MIPOL1: variants seen among roughly 807,000 people sequenced by gnomAD.
MIPOL1 encodes the protein mirror-image polydactyly gene 1 protein.
MIPOL1 carries 57 observed loss-of-function variants against 60.9 expected under a neutral mutation model. The ratio of observed to expected loss-of-function variants is 0.94; its 90% CI spans 0.76 to 1.17. The LOEUF (loss-of-function observed/expected upper bound fraction) is 1.17. Ranked by LOEUF, MIPOL1 falls within the 50% of genes most tolerant of loss-of-function variation. The probability of loss-of-function intolerance (pLI) is 0.00; values close to 1 mark genes in which losing one functional copy is unlikely to be tolerated. For missense variants in MIPOL1, 551 were observed against 511.6 expected, an observed-to-expected ratio of 1.08 and a Z score of -0.74; for synonymous variants, 179 against 168.8, an observed-to-expected ratio of 1.06 and a Z score of -0.47.
chr14:37,458,493 A>G (rs1282421407), intron 11 of MIPOL1, among the ~76,000 whole-genome samples: 4 of 152,188 alleles, frequency 2.6e-5, no homozygotes, highest in Non-Finnish European at 4.4e-5. Context: ...CAGTGGAATA[A>G]AACTAGAAAT....
At chr14:37,519,722 A>T (rs951033413) in intron 12 of MIPOL1, among the ~76,000 whole-genome samples, 1 of 152,114 alleles carries the variant, frequency 6.6e-6, no homozygotes, top group Non-Finnish European at 1.5e-5. Context: ...TAGTCTCTTT[A>T]AAAATAGTAA....
At position 37,267,176 on chromosome 14, in the gene MIPOL1, G is replaced by A. The variant is rs774145734; in HGVS notation, c.251+7G>A. On this transcript the variant is annotated splice_region_variant and intron_variant, in intron 4 of 12. Coordinates refer to ENST00000684589, the MANE Select transcript of MIPOL1 (RefSeq NM_001388067.1). Reference sequence around the variant, plus strand: ...GCACTACTGAAAAATACAAGTAAGTGCTCACAGCCTTAGATTTAGAAGGAA... The same window carrying A: ...GCACTACTGAAAAATACAAGTAAGTACTCACAGCCTTAGATTTAGAAGGAA... 1 of 1,600,390 alleles carries A rather than the reference G, an allele frequency of 6.2e-7. No individual in the cohort carries two copies. Among genetic ancestry groups the A allele is most frequent in the South Asian group, 1.1e-5 (1 of 90,634 alleles).
At chr14:37,347,650 A>G (rs2091039187) in intron 9 of MIPOL1, among the ~76,000 whole-genome samples, 1 of 152,212 alleles carries the variant, frequency 6.6e-6, no homozygotes, top group Non-Finnish European at 1.5e-5. Flanking sequence ...ACTGTAGAAC[A>G]TCAAAGTTAA....
chr14:37,514,369 C>T (rs1249767544), intron 12 of MIPOL1, among the ~76,000 whole-genome samples: 1 of 152,004 alleles, frequency 6.6e-6, no homozygotes, highest in African/African-American at 2.4e-5. Context: ...GAAAAGGTTA[C>T]TAAATGACAC....
At chr14:37,428,313 G>A (rs1338530176) in intron 11 of MIPOL1, among the ~76,000 whole-genome samples, 7 of 152,094 alleles carry the variant, frequency 4.6e-5, no homozygotes, top group Admixed American at 4.6e-4. Context: ...TTACTAATTA[G>A]TGGCCGGGCA....
chr14:37,448,166 T>A (rs931654150), intron 11 of MIPOL1, among the ~76,000 whole-genome samples: 1 of 152,228 alleles, frequency 6.6e-6, no homozygotes, highest in Non-Finnish European at 1.5e-5. Context: ...GTCACTGCAC[T>A]AGTGAGAGAA....
At chr14:37,245,815 C>A (rs931483440) in intron 1 of MIPOL1, among the ~76,000 whole-genome samples, 1 of 152,014 alleles carries the variant, frequency 6.6e-6, no homozygotes, top group Non-Finnish European at 1.5e-5. Flanking sequence ...TTAACACAGG[C>A]TTTTTGGTTA....
At chr14:37,489,350 T>C (rs2095008417) in intron 11 of MIPOL1, among the ~76,000 whole-genome samples, 1 of 152,210 alleles carries the variant, frequency 6.6e-6, no homozygotes, top group African/African-American at 2.4e-5. Context: ...GCATTTCCTC[T>C]AACCTTTTTT....
intron 1 of MIPOL1, among the ~76,000 whole-genome samples, chr14:37,230,218 A>G (rs1335611674): frequency 1.3e-5 from 2 of 152,238 alleles, no homozygotes; most frequent in Non-Finnish European, 2.9e-5. Context: ...TTTAAAAATC[A>G]TTATTAAGAG....
At chr14:37,299,950 A>G (rs757650469) in intron 7 of MIPOL1, among the ~76,000 whole-genome samples, 4 of 151,970 alleles carry the variant, frequency 2.6e-5, no homozygotes, top group Non-Finnish European at 5.9e-5. Flanking sequence ...TGATCAAGGT[A>G]TTTTACACAG....
intron 12 of MIPOL1, among the ~76,000 whole-genome samples, chr14:37,515,975 G>A (rs1159135017): frequency 2.0e-5 from 3 of 152,210 alleles, no homozygotes; most frequent in African/African-American, 4.8e-5. Context: ...ACACATGGGT[G>A]TAAGAGAGTC....
intron 6 of MIPOL1, among the ~76,000 whole-genome samples, chr14:37,270,867 A>G (rs921459885): frequency 1.3e-5 from 2 of 152,062 alleles, no homozygotes; most frequent in Admixed American, 6.6e-5. Context: ...CAGCAGTTCA[A>G]ATACCACTTA....
intron 9 of MIPOL1, among the ~76,000 whole-genome samples, chr14:37,326,281 G>A (rs2089152149): frequency 6.6e-6 from 1 of 152,184 alleles, no homozygotes; most frequent in Admixed American, 6.5e-5. Flanking sequence ...GACATGGTAA[G>A]ACTAATGAAT....
chr14:37,454,222 A>T (rs1195403975), intron 11 of MIPOL1, among the ~76,000 whole-genome samples: 1 of 152,132 alleles, frequency 6.6e-6, no homozygotes, highest in East Asian at 1.9e-4. Context: ...AGCTATGCTC[A>T]TGGCTCCAGA....
intron 1 of MIPOL1, among the ~76,000 whole-genome samples, chr14:37,216,314 A>G (rs1160588224): frequency 6.6e-6 from 1 of 152,220 alleles, no homozygotes; most frequent in Non-Finnish European, 1.5e-5. Context: ...AGAGAGAGAT[A>G]GGCTTCAATA....
chr14:37,305,301 T>C (rs903827710), intron 7 of MIPOL1, among the ~76,000 whole-genome samples: 4 of 151,870 alleles, frequency 2.6e-5, no homozygotes, highest in Non-Finnish European at 5.9e-5. Context: ...CACTTAACAG[T>C]GCATTAACAT....
intron 12 of MIPOL1, chr14:37,502,707 C>T (rs1348090362): frequency 2.0e-5 from 3 of 152,168 alleles, no homozygotes; most frequent in African/African-American, 4.8e-5. Context: ...ACCAGAGCAC[C>T]TCTTCTGTGC....
chr14:37,506,269 AC>A (rs1160493363), intron 12 of MIPOL1: 4 of 152,240 alleles, frequency 2.6e-5, no homozygotes, highest in Non-Finnish European at 5.9e-5. Context: ...TTCATATGGA[AC>A]CAAAAAAGAG....
At chr14:37,317,122 A>T (rs1448625788) in intron 9 of MIPOL1, among the ~76,000 whole-genome samples, 1 of 152,204 alleles carries the variant, frequency 6.6e-6, no homozygotes, top group African/African-American at 2.4e-5. Context: ...ATTTTAACAG[A>T]TGTATGCAAA....
Sources: gnomAD v4.1 joint callset for allele counts (sites outside exome capture counted in the v4.1 genomes callset) on GRCh38, gnomAD v4.1.1 for gene constraint, MANE v1.5 for transcripts, NCBI Gene and HGNC (gene_info 2026-07-23, HGNC 2026-07-21) for gene names.